Variants in IGDCC3 observed in about 807,000 individuals in gnomAD.
The protein encoded by IGDCC3 is immunoglobulin superfamily DCC subclass member 3.
A neutral mutation model predicts 72.0 loss-of-function variants in IGDCC3; 47 were observed. That is an observed-to-expected ratio of 0.65 (90% CI 0.52 to 0.83). IGDCC3 has a LOEUF of 0.83. IGDCC3 is among the 40% of genes least tolerant of loss of function. The pLI, the probability that IGDCC3 is intolerant of heterozygous loss-of-function variation, is 0.00. For missense variants in IGDCC3, 1,038 were observed against 1,091.3 expected (o/e 0.95, Z 0.69); for synonymous variants, 477 against 472.8 (o/e 1.01, Z -0.11).
At chr15:65,345,177 A>G (rs2091115151) in intron 2 of IGDCC3, among the ~76,000 whole-genome samples, 1 of 152,220 alleles carries the variant, frequency 6.6e-6, no homozygotes, top group African/African-American at 2.4e-5. Flanking sequence ...TGTCTCAGAC[A>G]GGACATTCTG....
rs975196193 is a variant in IGDCC3 at position 65,355,157 on chromosome 15, G to A, written c.410-19201C>T. ...AGTGGGCAGCGGAGTGGGGCGGGTG[G>A]GGGAGCCTGGGGAAGCCCGGCCCCC... On this transcript the variant is annotated intron_variant, in intron 2 of 13. Transcript: ENST00000327987. Among the ~76,000 whole-genome samples the A allele has an allele frequency of 4.6e-5, 7 of 152,162 alleles. No individual in the cohort carries two copies. The South Asian group carries it at 8.3e-4, about 18-fold the overall frequency.
At chr15:65,362,280 G>A (rs2091266736) in intron 2 of IGDCC3, among the ~76,000 whole-genome samples, 1 of 152,174 alleles carries the variant, frequency 6.6e-6, no homozygotes. Flanking sequence ...GGCCCACCCA[G>A]TAGGGTAAGC....
chr15:65,368,671 G>A (rs183140888), intron 2 of IGDCC3, among the ~76,000 whole-genome samples: 2 of 152,276 alleles, frequency 1.3e-5, no homozygotes, highest in Non-Finnish European at 2.9e-5. Flanking sequence ...GGGGGTACCA[G>A]GCAATTTAGT....
intron 2 of IGDCC3, among the ~76,000 whole-genome samples, chr15:65,345,475 G>C (rs566369210): frequency 6.6e-6 from 1 of 152,012 alleles, no homozygotes; most frequent in Non-Finnish European, 1.5e-5. Flanking sequence ...AATCGCTTGA[G>C]TCCAATAGGT....
In IGDCC3 at chr15:65,329,353, C is replaced by A. The variant is rs1307147888; in HGVS notation, c.2205+37G>T. On this transcript the variant is annotated intron_variant, in intron 13 of 13. Transcript: ENST00000327987. This position sits in a 1 kb window ranked among gnomAD's most constrained non-coding sequence, Gnocchi z 4.1. ...GGATTGGAAGGTGGCAGTGTCAGAG[C>A]CTGAGGCGGGGGTTTGTTTAAGACA... The A allele has an allele frequency of 4.5e-6, 7 of 1,562,362 alleles. No homozygotes were observed. Among genetic ancestry groups the A allele is most frequent in the Non-Finnish European group, 6.1e-6 (7 of 1,155,912 alleles).
Position 65,328,811 on chromosome 15 carries a change from C to T in IGDCC3, c.*98G>A. 2.1e-6 allele frequency: 3 copies of T among 1,442,564 alleles called. No homozygotes were observed. The highest frequency in any genetic ancestry group is 2.8e-6 in the Non-Finnish European group (3 of 1,085,426). The allele number at this position is 1,442,564 out of a possible 1,614,324, so 89.4% of individuals were successfully genotyped here. A position where few individuals can be genotyped will look rare whatever the true frequency, so the allele number is the denominator to read the frequency against. ...GTCAGGATAGAAATGCTGGGGAGCC[C>T]CCAGGACCATCCAAATCCCACATGA... On this transcript the variant is annotated 3_prime_UTR_variant, in exon 14 of 14. Coordinates refer to ENST00000327987, the MANE Select transcript of IGDCC3 (RefSeq NM_004884.4).
intron 2 of IGDCC3, among the ~76,000 whole-genome samples, chr15:65,352,127 G>T (rs2091178532): frequency 6.6e-6 from 1 of 152,188 alleles, no homozygotes; most frequent in African/African-American, 2.4e-5. Flanking sequence ...ATAGAAAACT[G>T]AAGTAATCTT....
At position 65,327,650 on chromosome 15, in the gene IGDCC3, A is replaced by T. The variant is rs560118519; in HGVS notation, c.*1259T>A. The T allele has an allele frequency of 6.5e-6, 1 of 152,778 alleles. No homozygotes were observed. Among genetic ancestry groups the T allele is most frequent in the Non-Finnish European group, 1.5e-5 (1 of 68,030 alleles). The allele number at this position is 152,778 out of a possible 1,614,324, so 9.5% of individuals were successfully genotyped here. A position where few individuals can be genotyped will look rare whatever the true frequency, so the allele number is the denominator to read the frequency against. Reference sequence around the variant, plus strand: ...AAGAACAACACAACAGAAAAGAGTAACAAAAAGTCACAAGAACATAACCCT... The same window carrying T: ...AAGAACAACACAACAGAAAAGAGTATCAAAAAGTCACAAGAACATAACCCT... On this transcript the variant is annotated 3_prime_UTR_variant, in exon 14 of 14. Transcript: ENST00000327987.
chr15:65,331,795 G>C, intron 7 of IGDCC3, 136 bp from the exon 8 acceptor site: 1 of 1,372,116 alleles, frequency 7.3e-7, no homozygotes, highest in East Asian at 2.3e-5. Flanking sequence ...GTTGGTGGTG[G>C]AACTGGGACT....
At chr15:65,352,631 C>A (rs945744607) in intron 2 of IGDCC3, among the ~76,000 whole-genome samples, 3 of 152,146 alleles carry the variant, frequency 2.0e-5, no homozygotes, top group Non-Finnish European at 2.9e-5. Flanking sequence ...TTTGAGGGTA[C>A]AAGCCCATGG....
rs187134474 is a variant in IGDCC3, at chr15:65,357,844, C to T, written c.409+17253G>A. Among the ~76,000 whole-genome samples the T allele has an allele frequency of 1.4e-3, 215 of 152,326 alleles. 1 individual carries two copies. Among genetic ancestry groups the T allele is most frequent in the Non-Finnish European group, 2.6e-3 (178 of 68,034 alleles). On this transcript the variant is annotated intron_variant, in intron 2 of 13. Transcript: ENST00000327987. ...CTTAAGCCCTCTTGGCATCACAGCA[C>T]CTGCAGCTGCCGAACTACTCCCTGT...
Position 65,354,267 on chromosome 15 carries a change from T to C in IGDCC3, c.410-18311A>G, listed in dbSNP as rs192988422. Among the ~76,000 whole-genome samples the C allele has an allele frequency of 4.3e-4, 65 of 152,292 alleles. 2 individuals carry two copies. Among genetic ancestry groups the C allele is most frequent in the Non-Finnish European group, 5.6e-4 (38 of 68,010 alleles). On this transcript the variant is annotated intron_variant, in intron 2 of 13. Coordinates refer to ENST00000327987, the MANE Select transcript of IGDCC3 (RefSeq NM_004884.4). ...GACTCGCCCTGAATTTTTTCTTGAG[T>C]GAGATCAAAGAACCCTCTCTTGGGG...
intron 2 of IGDCC3, among the ~76,000 whole-genome samples, chr15:65,363,162 T>C (rs527937203): frequency 6.6e-6 from 1 of 152,146 alleles, no homozygotes; most frequent in South Asian, 2.1e-4. Flanking sequence ...CCCCAGCTGG[T>C]TTGGGGGTAA....
chr15:65,339,685 G>A lies in IGDCC3; in HGVS notation c.410-3729C>T, dbSNP rs2091062432. ...TGAGATCTGAACAAGTCACCCTGCAGGCCACTGTGTTGCTGATGACAGTAC... is the reference window on the plus strand; with the variant it reads ...TGAGATCTGAACAAGTCACCCTGCAAGCCACTGTGTTGCTGATGACAGTAC... On this transcript the variant is annotated intron_variant, in intron 2 of 13. Coordinates refer to ENST00000327987, the MANE Select transcript of IGDCC3 (RefSeq NM_004884.4). This position sits in a 1 kb window ranked among gnomAD's most constrained non-coding sequence, Gnocchi z 4.1. Among the ~76,000 whole-genome samples, 1 of 152,224 alleles carries A rather than the reference G, an allele frequency of 6.6e-6. No individual in the cohort carries two copies. Among genetic ancestry groups the A allele is most frequent in the Admixed American group, 6.5e-5 (1 of 15,282 alleles).
rs143782720 is a variant in IGDCC3 at position 65,330,715 on chromosome 15, G to C, written c.1588C>G (p.Arg530Gly). ...EAPAPPPLSV[R>G]VLGSSSLQLL... The stretch of plus-strand genomic sequence containing the variant: ...TGCAAGGAGGAGCTGCCCAGGACTC[G>C]CACTGACAGTGGGGGTGGGGCAGGG... Residue 530 changes from arginine (R) to glycine (G), a missense_variant, in exon 10 of 14, where the codon CGA becomes GGA. Arg to Gly is a moderately radical substitution (Grantham distance 125). Coordinates refer to ENST00000327987, the MANE Select transcript of IGDCC3 (RefSeq NM_004884.4). 733 of 1,611,326 alleles carry C rather than the reference G, an allele frequency of 4.5e-4. 3 individuals carry two copies. Among genetic ancestry groups the C allele is most frequent in the Non-Finnish European group, 5.9e-4 (700 of 1,178,708 alleles).
intron 2 of IGDCC3, among the ~76,000 whole-genome samples, chr15:65,372,645 G>A (rs1226179269): frequency 6.6e-6 from 1 of 152,092 alleles, no homozygotes; most frequent in Non-Finnish European, 1.5e-5. Flanking sequence ...TGCGAGGGGT[G>A]CTTAGCATGC....
intron 2 of IGDCC3, among the ~76,000 whole-genome samples, chr15:65,373,207 T>C (rs955996449): frequency 1.3e-5 from 2 of 152,224 alleles, no homozygotes; most frequent in African/African-American, 2.4e-5. Context: ...TATCTCAGCA[T>C]TGACACAGGC....
intron 2 of IGDCC3, among the ~76,000 whole-genome samples, chr15:65,362,846 ATTTTTTTTTTTTT>A (rs869239198): frequency 3.5e-5 from 3 of 85,724 alleles, no homozygotes; most frequent in Non-Finnish European, 4.6e-5. Flanking sequence ...AGGTTTGGGG[ATTTTTTTTTTTTT>A]TTTTTTTTTT....
intron 2 of IGDCC3, among the ~76,000 whole-genome samples, chr15:65,354,657 T>C (rs746543335): frequency 1.3e-5 from 2 of 152,114 alleles, no homozygotes; most frequent in Non-Finnish European, 2.9e-5. Context: ...AAACACTAAG[T>C]CCTCATAAAC....
Sources: allele counts gnomAD v4.1 joint callset (sites outside exome capture counted in the v4.1 genomes callset), GRCh38; gene constraint gnomAD v4.1.1; non-coding constraint Gnocchi (gnomAD v3.1); transcripts MANE v1.5; gene names NCBI Gene and HGNC (gene_info 2026-07-23, HGNC 2026-07-21).